KDM4D: variants seen among roughly 807,000 people sequenced by gnomAD.
The protein encoded by KDM4D is lysine demethylase 4D, also known as lysine-specific demethylase 4D.
For synonymous variants in KDM4D, 254 were observed against 249.1 expected (o/e 1.02, Z -0.19); for missense variants, 427 against 674.8 (o/e 0.63, Z 4.07).
chr11:94,983,483 C>CA (rs1458883660), intron 2 of KDM4D, among the ~76,000 whole-genome samples: 1 of 151,728 alleles, frequency 6.6e-6, no homozygotes, highest in African/African-American at 2.4e-5. Context: ...TTTCAAATAT[C>CA]AAAAAAACAT....
Position 94,998,092 on chromosome 11 carries a change from C to T in KDM4D, c.720C>T (p.Ala240=). ...CAGGCAGTTCCCGGGGTTGTGGGGC[C>T]TTCCTGCGGCACAAGGTGGCCCTCA... The part of the protein sequence containing the change: ...LFPGSSRGCG[A]FLRHKVALIS... Residue 240 remains alanine (A), a synonymous_variant, in exon 3 of 3, where the codon GCC becomes GCT. Coordinates refer to ENST00000335080, the MANE Select transcript of KDM4D (RefSeq NM_018039.3). This position sits in a 1 kb window ranked among gnomAD's most constrained non-coding sequence, Gnocchi z 6.7. 6.2e-7 allele frequency: 1 copy of T among 1,614,116 alleles called. No individual in the cohort carries two copies. The highest frequency in any genetic ancestry group is 1.1e-5 in the South Asian group (1 of 91,076).
intron 2 of KDM4D, among the ~76,000 whole-genome samples, chr11:94,987,010 A>G (rs1857893608): frequency 6.6e-6 from 1 of 152,264 alleles, no homozygotes; most frequent in African/African-American, 2.4e-5. Context: ...GATATATACT[A>G]CAACATGGTT....
chr11:94,991,120 G>A (rs1417642480), intron 2 of KDM4D, among the ~76,000 whole-genome samples: 6 of 152,194 alleles, frequency 3.9e-5, no homozygotes, highest in Admixed American at 6.5e-5. Context: ...GTACTCTCCA[G>A]GAGAAAGACT....
At chr11:94,977,998 A>G (rs1310715436) in intron 2 of KDM4D, among the ~76,000 whole-genome samples, 3 of 152,242 alleles carry the variant, frequency 2.0e-5, no homozygotes, top group Non-Finnish European at 2.9e-5. Flanking sequence ...AAAGTAACTT[A>G]CATTGTATTA....
chr11:94,990,242 C>T (rs1159360238), intron 2 of KDM4D, among the ~76,000 whole-genome samples: 1 of 152,206 alleles, frequency 6.6e-6, no homozygotes, highest in Admixed American at 6.5e-5. Context: ...AGAGCTGCCA[C>T]CTCAACAGCT....
At chr11:94,985,747 T>C (rs1000548414) in intron 2 of KDM4D, among the ~76,000 whole-genome samples, 4 of 152,174 alleles carry the variant, frequency 2.6e-5, no homozygotes, top group Non-Finnish European at 5.9e-5. Flanking sequence ...GGAATAGAAT[T>C]GAAAGTCCAA....
In KDM4D at chr11:94,997,263, T is replaced by A; in HGVS notation, c.-110T>A. 1 of 758,172 alleles carries A rather than the reference T, an allele frequency of 1.3e-6. No individual in the cohort carries two copies. The highest frequency in any genetic ancestry group is 2.0e-6 in the Non-Finnish European group (1 of 492,402). 47.0% of individuals were successfully genotyped at this position (758,172 alleles called of 1,614,324 possible). On this transcript the variant is annotated 5_prime_UTR_variant, in exon 3 of 3. Transcript: ENST00000335080. ...GCAAAAAAAAAAGTACGCTGGTAGA[T>A]CCTGCTACCTCATAGATAACACCAG...
Position 94,998,078 on chromosome 11 carries a change from C to A in KDM4D, c.706C>A (p.Arg236=). The part of the protein sequence containing the change: ...LARELFPGSS[R]GCGAFLRHKV... ...CAGGGAGCTCTTCCCAGGCAGTTCC[C>A]GGGGTTGTGGGGCCTTCCTGCGGCA... is the stretch of plus-strand genomic sequence containing the variant. Residue 236 remains arginine (R), a synonymous_variant, in exon 3 of 3, where the codon CGG becomes AGG. Coordinates refer to ENST00000335080, the MANE Select transcript of KDM4D (RefSeq NM_018039.3). This position sits in a 1 kb window ranked among gnomAD's most constrained non-coding sequence, Gnocchi z 6.7. 6.2e-7 allele frequency: 1 copy of A among 1,614,108 alleles called. No homozygotes were observed. Among genetic ancestry groups the A allele is most frequent in the Non-Finnish European group, 8.5e-7 (1 of 1,180,028 alleles).
rs199979715 is a variant in KDM4D, at chr11:94,995,928, C to T, written c.-349-1096C>T. Among the ~76,000 whole-genome samples the T allele has an allele frequency of 4.6e-5, 7 of 152,014 alleles. No individual in the cohort carries two copies. In the East Asian group the frequency reaches 1.3e-3, roughly 29 times the overall value. Reference sequence around the variant, plus strand: ...GCTTTCTTCATCTCTTTTGAATGGCCCTTCTCTATGGGGAAAATTCCTGTC... The same window carrying T: ...GCTTTCTTCATCTCTTTTGAATGGCTCTTCTCTATGGGGAAAATTCCTGTC... On this transcript the variant is annotated intron_variant, in intron 2 of 2. Transcript: ENST00000335080.
chr11:94,993,513 GTTTT>G (rs201151130), intron 2 of KDM4D, among the ~76,000 whole-genome samples: 2 of 142,040 alleles, frequency 1.4e-5, no homozygotes, highest in African/African-American at 2.6e-5. Flanking sequence ...ATTCTAAGCA[GTTTT>G]TTTTTTTTTT....
chr11:94,986,733 C>A (rs916179767), intron 2 of KDM4D, among the ~76,000 whole-genome samples: 1 of 151,348 alleles, frequency 6.6e-6, no homozygotes, highest in African/African-American at 2.4e-5. Flanking sequence ...ATAAATGTTA[C>A]ATTTACTTTG....
At chr11:94,990,215 A>C (rs1857923534) in intron 2 of KDM4D, among the ~76,000 whole-genome samples, 1 of 152,238 alleles carries the variant, frequency 6.6e-6, no homozygotes, top group East Asian at 1.9e-4. Context: ...CTGCTTGTCA[A>C]GTAAGACACA....
intron 2 of KDM4D, among the ~76,000 whole-genome samples, chr11:94,996,351 C>G (rs114027653): frequency 0.012 from 1,881 of 152,256 alleles, 36 homozygotes; most frequent in African/African-American, 0.043. Flanking sequence ...CCCTCAAGCC[C>G]CCCTACACAA....
chr11:94,998,792 C>T lies in KDM4D; in HGVS notation c.1420C>T (p.Pro474Ser). 1.2e-6 allele frequency: 2 copies of T among 1,607,228 alleles called. No individual in the cohort carries two copies. Among genetic ancestry groups the T allele is most frequent in the Non-Finnish European group, 8.5e-7 (1 of 1,175,282 alleles). The stretch of plus-strand genomic sequence containing the variant: ...GACCCTCCAGACTCCAGCCAAGAGG[C>T]CCCTCTTGGCGGGCACAACATGCAC... Reference protein sequence around the residue: ...ELTLQTPAKRPLLAGTTCTAS... With the variant: ...ELTLQTPAKRSLLAGTTCTAS... Residue 474 changes from proline to serine, a missense_variant, in exon 3 of 3, where the codon CCC becomes TCC. Coordinates refer to ENST00000335080, the MANE Select transcript of KDM4D (RefSeq NM_018039.3). This position sits in a 1 kb window ranked among gnomAD's most constrained non-coding sequence, Gnocchi z 6.7.
chr11:94,992,051 G>A (rs1191337759), intron 2 of KDM4D, among the ~76,000 whole-genome samples: 1 of 151,640 alleles, frequency 6.6e-6, no homozygotes, highest in Non-Finnish European at 1.5e-5. Flanking sequence ...CCGAAATACA[G>A]AATTAAAGGT....
intron 2 of KDM4D, among the ~76,000 whole-genome samples, chr11:94,994,219 C>T (rs1857958764): frequency 6.6e-6 from 1 of 152,068 alleles, no homozygotes; most frequent in South Asian, 2.1e-4. Flanking sequence ...GTGGTGACTA[C>T]GATAACACAT....
At position 94,999,242 on chromosome 11, in the gene KDM4D, C is replaced by T. The variant is rs1174904281; in HGVS notation, c.*298C>T. ...GAGAACTAGGTCTTGTTGAGGTTAG[C>T]GTAACCTGGTATATGCAACTACCAT... On this transcript the variant is annotated 3_prime_UTR_variant, in exon 3 of 3. Coordinates refer to ENST00000335080, the MANE Select transcript of KDM4D (RefSeq NM_018039.3). 4 of 241,838 alleles carry T rather than the reference C, an allele frequency of 1.7e-5. No individual in the cohort carries two copies. The highest frequency in any genetic ancestry group is 4.5e-5 in the African/African-American group (2 of 44,180). The allele number at this position is 241,838 out of a possible 1,614,324, so 15.0% of individuals were successfully genotyped here.
At chr11:94,984,822 G>A (rs1158170269) in intron 2 of KDM4D, among the ~76,000 whole-genome samples, 9 of 151,866 alleles carry the variant, frequency 5.9e-5, no homozygotes, top group Middle Eastern at 3.4e-3. Flanking sequence ...ATCCGAGATC[G>A]TGCCATTGCA....
At chr11:94,978,864 C>T (rs1555097271) in intron 2 of KDM4D, among the ~76,000 whole-genome samples, 5 of 151,986 alleles carry the variant, frequency 3.3e-5, no homozygotes, top group Non-Finnish European at 5.9e-5. Context: ...AAGAAAAATC[C>T]ACTAGGAAAA....
Sources: allele counts gnomAD v4.1 joint callset (sites outside exome capture counted in the v4.1 genomes callset), GRCh38; gene constraint gnomAD v4.1.1; non-coding constraint Gnocchi (gnomAD v3.1); transcripts MANE v1.5; gene names NCBI Gene and HGNC (gene_info 2026-07-23, HGNC 2026-07-21).